Variants in ENTHD1 observed in about 807,000 individuals in gnomAD.
The protein encoded by ENTHD1 is ENTH domain-containing protein 1.
ENTHD1 carries 23 observed loss-of-function variants against 39.1 expected under a neutral mutation model. That is an observed-to-expected ratio of 0.59 (90% confidence interval 0.42 to 0.83). The LOEUF is 0.83. ENTHD1 is among the 40% of genes least tolerant of loss of function. The pLI, the probability that ENTHD1 is intolerant of heterozygous loss-of-function variation, is 0.00. For synonymous variants in ENTHD1, 230 were observed against 258.2 expected, an observed-to-expected ratio of 0.89 and a Z score of 1.05; for missense variants, 624 against 705.4, an observed-to-expected ratio of 0.88 and a Z score of 1.31.
chr22:39,744,294 T>C lies in ENTHD1; in HGVS notation c.1220-11A>G, dbSNP rs191007110. 0.013 allele frequency: 19,674 copies of C among 1,564,198 alleles called. 168 individuals are homozygous for C. Among genetic ancestry groups the C allele is most frequent in the Non-Finnish European group, 0.015 (17,076 of 1,160,354 alleles). ...CAGAAGCAGTTGAAACTAAAATGTG[T>C]AAATGAGAGAAAAAAGATTTATGCA... On this transcript the variant is annotated splice_polypyrimidine_tract_variant and intron_variant, in intron 6 of 6. Coordinates refer to ENST00000325157, the MANE Select transcript of ENTHD1 (RefSeq NM_152512.4).
intron 6 of ENTHD1, among the ~76,000 whole-genome samples, chr22:39,747,869 C>T (rs2065117775): frequency 6.6e-6 from 1 of 152,040 alleles, no homozygotes; most frequent in Admixed American, 6.5e-5. Context: ...GCTCAGAGCT[C>T]ATGCACAGCC....
intron 2 of ENTHD1, chr22:39,875,278 T>C: frequency 1.6e-6 from 2 of 1,231,530 alleles, no homozygotes; most frequent in Non-Finnish European, 1.0e-6. Flanking sequence ...AACAAATCTA[T>C]ACAGTTAAAG....
intron 5 of ENTHD1, 78 bp from the exon 6 acceptor site, chr22:39,765,687 T>A: frequency 7.5e-7 from 1 of 1,337,802 alleles, no homozygotes; most frequent in Non-Finnish European, 1.0e-6. Flanking sequence ...ATAATTTTAA[T>A]AAATAGGATT....
At chr22:39,797,851 C>G (rs1476185921) in intron 5 of ENTHD1, among the ~76,000 whole-genome samples, 1 of 151,906 alleles carries the variant, frequency 6.6e-6, no homozygotes, top group Non-Finnish European at 1.5e-5. Context: ...ATGCTTTGCT[C>G]TTGTTTTTAG....
chr22:39,766,054 GAAAA>G (rs1182189223), intron 5 of ENTHD1, among the ~76,000 whole-genome samples: 3 of 73,654 alleles, frequency 4.1e-5, no homozygotes, highest in Non-Finnish European at 8.7e-5. Flanking sequence ...AAAAAAGAAA[GAAAA>G]AGAAAAGCTT....
rs2065079525 is a variant in ENTHD1 at position 39,743,803 on chromosome 22, C to A, written c.1700G>T (p.Ser567Ile). Residue 567 changes from serine to isoleucine, a missense_variant, in exon 7 of 7, where the codon AGC becomes ATC. Coordinates refer to ENST00000325157, the MANE Select transcript of ENTHD1 (RefSeq NM_152512.4). ...RAIARLHEDLSTVIQELNVIN... is the reference protein window; with the variant it reads ...RAIARLHEDLITVIQELNVIN... ...GACATTAAGTTCTTGGATCACTGTGCTCAGATCTTCATGTAATCTAGCGAT... is the reference window on the plus strand; with the variant it reads ...GACATTAAGTTCTTGGATCACTGTGATCAGATCTTCATGTAATCTAGCGAT... 2 of 1,614,114 alleles carry A rather than the reference C, an allele frequency of 1.2e-6. No homozygotes were observed. Among genetic ancestry groups the A allele is most frequent in the African/African-American group, 2.7e-5 (2 of 75,030 alleles).
At chr22:39,823,241 T>C (rs996666278) in intron 4 of ENTHD1, among the ~76,000 whole-genome samples, 3 of 152,174 alleles carry the variant, frequency 2.0e-5, no homozygotes, top group African/African-American at 7.2e-5. Flanking sequence ...GATATAGATG[T>C]AACATAGTTT....
At chr22:39,872,356 A>G (rs1446698817) in intron 2 of ENTHD1, among the ~76,000 whole-genome samples, 5 of 152,194 alleles carry the variant, frequency 3.3e-5, no homozygotes, top group Non-Finnish European at 5.9e-5. Context: ...TCAATTCATT[A>G]TAATTGCCTT....
chr22:39,875,009 C>T (rs1375227626), intron 2 of ENTHD1, among the ~76,000 whole-genome samples: 1 of 152,142 alleles, frequency 6.6e-6, no homozygotes, highest in Non-Finnish European at 1.5e-5. Flanking sequence ...GAACCGAATG[C>T]ATATCGCACA....
intron 4 of ENTHD1, among the ~76,000 whole-genome samples, chr22:39,832,642 C>G (rs1040775457): frequency 6.6e-6 from 1 of 152,174 alleles, no homozygotes; most frequent in Non-Finnish European, 1.5e-5. Context: ...TCGCAGAACA[C>G]TGCAGAAAGA....
chr22:39,873,879 G>T (rs895465217), intron 2 of ENTHD1, among the ~76,000 whole-genome samples: 7 of 152,106 alleles, frequency 4.6e-5, no homozygotes, highest in African/African-American at 1.7e-4. Flanking sequence ...AGGTAAAAAA[G>T]GCATTAACCA....
chr22:39,854,120 C>T (rs192367763), intron 3 of ENTHD1, among the ~76,000 whole-genome samples: 58 of 152,156 alleles, frequency 3.8e-4, no homozygotes, highest in African/African-American at 1.3e-3. Context: ...ATTCACCCAC[C>T]GTGCACATCC....
chr22:39,806,307 T>C (rs985972214), intron 5 of ENTHD1, among the ~76,000 whole-genome samples: 16 of 152,248 alleles, frequency 1.1e-4, no homozygotes, highest in African/African-American at 3.6e-4. Flanking sequence ...CTTTAGCTAA[T>C]GTTAACAATC....
intron 2 of ENTHD1, chr22:39,875,399 A>C (rs2066280007): frequency 1.4e-6 from 2 of 1,451,196 alleles, no homozygotes; most frequent in East Asian, 5.0e-5. Context: ...GGTGCCCGCC[A>C]CCCCGGAGCA....
rs765495246 is a variant in ENTHD1, at chr22:39,867,194, C to T, written c.350-5187G>A. 2.4e-4 allele frequency among the ~76,000 whole-genome samples: 37 copies of T among 152,264 alleles called. No homozygotes were observed. Among genetic ancestry groups the T allele is most frequent in the Non-Finnish European group, 5.0e-4 (34 of 68,024 alleles). ...CTGGGATTACAGGCGTGAGCCACCG[C>T]GCCCGGCCCGAGAAATCTATATACA... On this transcript the variant is annotated intron_variant, in intron 2 of 6. Coordinates refer to ENST00000325157, the MANE Select transcript of ENTHD1 (RefSeq NM_152512.4). The surrounding 1 kb of genome is among the most constrained non-coding windows in gnomAD (Gnocchi z 4.5).
chr22:39,845,907 T>C (rs781268280), intron 3 of ENTHD1, among the ~76,000 whole-genome samples: 40 of 152,168 alleles, frequency 2.6e-4, no homozygotes, highest in African/African-American at 4.8e-4. Context: ...TGTTTTTTTT[T>C]CCCCTCAAAA....
intron 4 of ENTHD1, among the ~76,000 whole-genome samples, chr22:39,827,615 T>G (rs923196180): frequency 2.0e-5 from 3 of 152,030 alleles, no homozygotes; most frequent in Admixed American, 6.6e-5. Flanking sequence ...AAAATAAAAA[T>G]TTTCTTCCTC....
chr22:39,848,444 G>T (rs2146699685), intron 3 of ENTHD1, among the ~76,000 whole-genome samples: 1 of 152,098 alleles, frequency 6.6e-6, no homozygotes, highest in South Asian at 2.1e-4. Flanking sequence ...AGTAGAGACA[G>T]GGTTTCACCA....
chr22:39,768,494 A>G (rs965414138), intron 5 of ENTHD1, among the ~76,000 whole-genome samples: 10 of 152,030 alleles, frequency 6.6e-5, no homozygotes, highest in South Asian at 2.1e-4. Flanking sequence ...AAACCCTACT[A>G]TTCCTCAAAT....
Sources: gnomAD v4.1 joint callset for allele counts (sites outside exome capture counted in the v4.1 genomes callset) on GRCh38, gnomAD v4.1.1 for gene constraint, Gnocchi (gnomAD v3.1) non-coding constraint, MANE v1.5 for transcripts, NCBI Gene and HGNC (gene_info 2026-07-23, HGNC 2026-07-21) for gene names.